The following MMP16 variants were observed in gnomAD, a reference collection of about 807,000 sequenced individuals.
The protein encoded by MMP16 is matrix metallopeptidase 16.
Under a neutral mutation model 67.8 loss-of-function variants are expected in MMP16, and 12 were observed. That is an observed-to-expected ratio of 0.18 (90% confidence interval 0.11 to 0.29). MMP16 has a LOEUF of 0.29. Among genes scored for constraint, MMP16 ranks in the 10% least tolerant of loss-of-function variants. The pLI is 1.00. For missense variants in MMP16, 475 were observed against 765.7 expected, an observed-to-expected ratio of 0.62 and a Z score of 4.48; for synonymous variants, 249 against 255.9, an observed-to-expected ratio of 0.97 and a Z score of 0.26.
At chr8:88,290,532 G>A (rs907581590) in intron 1 of MMP16, among the ~76,000 whole-genome samples, 12 of 151,662 alleles carry the variant, frequency 7.9e-5, no homozygotes, top group Non-Finnish European at 1.8e-4. Flanking sequence ...CAGCCTGGGC[G>A]ACAGAGTGAG....
At chr8:88,100,726 C>G (rs1321322846) in intron 6 of MMP16, among the ~76,000 whole-genome samples, 1 of 151,924 alleles carries the variant, frequency 6.6e-6, no homozygotes. Flanking sequence ...TGGAACCAAC[C>G]CGAATGTCCA....
At chr8:88,219,329 C>G (rs1809641860) in intron 1 of MMP16, among the ~76,000 whole-genome samples, 2 of 151,100 alleles carry the variant, frequency 1.3e-5, no homozygotes, top group Admixed American at 1.3e-4. Context: ...TTATGAACCT[C>G]CTAGGCAGAG....
chr8:88,225,076 A>C (rs912850339), intron 1 of MMP16, among the ~76,000 whole-genome samples: 4 of 152,068 alleles, frequency 2.6e-5, no homozygotes, highest in East Asian at 1.9e-4. Context: ...AATATTTGAA[A>C]TACTTTCATT....
At chr8:88,183,914 T>TA (rs1329859424) in intron 3 of MMP16, among the ~76,000 whole-genome samples, 1 of 151,616 alleles carries the variant, frequency 6.6e-6, no homozygotes, top group African/African-American at 2.4e-5. Context: ...TTTATTTATT[T>TA]TTTTTTATTT....
chr8:88,130,087 AT>A (rs1220548897), intron 4 of MMP16, among the ~76,000 whole-genome samples: 2 of 151,786 alleles, frequency 1.3e-5, no homozygotes, highest in African/African-American at 4.8e-5. Flanking sequence ...TTGAGCTCAT[AT>A]TTGTTTTCTA....
At chr8:88,184,023 G>A (rs1563556181) in intron 3 of MMP16, among the ~76,000 whole-genome samples, 1 of 152,092 alleles carries the variant, frequency 6.6e-6, no homozygotes, top group Non-Finnish European at 1.5e-5. Context: ...TGGGATTACA[G>A]GCGCAAGCCA....
intron 9 of MMP16, among the ~76,000 whole-genome samples, chr8:88,045,245 C>T (rs189202290): frequency 5.2e-4 from 79 of 152,220 alleles, no homozygotes; most frequent in Admixed American, 1.0e-3. Context: ...TAGCAATGCT[C>T]AAAAAACAGT....
chr8:88,216,492 A>G (rs1809596125), intron 1 of MMP16, among the ~76,000 whole-genome samples: 2 of 152,148 alleles, frequency 1.3e-5, no homozygotes, highest in Non-Finnish European at 2.9e-5. Context: ...AAAGTCATAC[A>G]GTTTTCTCAA....
chr8:88,178,814 G>C lies in MMP16; in HGVS notation c.404+7662C>G, dbSNP rs28907583. Among the ~76,000 whole-genome samples, 563 of 151,854 alleles carry C rather than the reference G, an allele frequency of 3.7e-3. 4 individuals carry two copies. The highest frequency in any genetic ancestry group is 0.013 in the African/African-American group (533 of 41,432). ...TATATGTTGCCTTTTCCTTTTTTCT[G>C]TATTTCTGGGTGTTATTGGATATTT... On this transcript the variant is annotated intron_variant, in intron 3 of 9. Transcript: ENST00000286614.
intron 4 of MMP16, among the ~76,000 whole-genome samples, chr8:88,141,800 A>G (rs1049459697): frequency 1.3e-5 from 2 of 152,164 alleles, no homozygotes; most frequent in Admixed American, 6.5e-5. Flanking sequence ...TTTCTGAAAA[A>G]CAACATAACA....
intron 1 of MMP16, among the ~76,000 whole-genome samples, chr8:88,221,233 T>C (rs1012503868): frequency 6.6e-6 from 1 of 152,218 alleles, no homozygotes; most frequent in Middle Eastern, 3.4e-3. Flanking sequence ...GTTTGTTTTC[T>C]TCAGGCCCTA....
At chr8:88,213,338 T>C (rs557654106) in intron 1 of MMP16, among the ~76,000 whole-genome samples, 3 of 152,246 alleles carry the variant, frequency 2.0e-5, no homozygotes, top group Admixed American at 6.5e-5. Flanking sequence ...CGTTTGAGAA[T>C]GAGAAAAAAT....
chr8:88,218,766 C>T (rs1209150753), intron 1 of MMP16, among the ~76,000 whole-genome samples: 1 of 152,016 alleles, frequency 6.6e-6, no homozygotes, highest in East Asian at 1.9e-4. Context: ...TATACACATG[C>T]TCAAGAGAAG....
At chr8:88,323,868 A>T (rs1393714314) in intron 1 of MMP16, among the ~76,000 whole-genome samples, 15 of 152,104 alleles carry the variant, frequency 9.9e-5, no homozygotes, top group African/African-American at 3.6e-4. Flanking sequence ...GACAGTAGAC[A>T]TTAATAATTA....
intron 1 of MMP16, among the ~76,000 whole-genome samples, chr8:88,293,576 GAACA>G (rs1237152957): frequency 1.3e-5 from 2 of 151,858 alleles, no homozygotes; most frequent in Non-Finnish European, 2.9e-5. Context: ...CTTTGAACTT[GAACA>G]AATAAAAAGG....
At chr8:88,267,293 T>C (rs1364710007) in intron 1 of MMP16, among the ~76,000 whole-genome samples, 1 of 152,182 alleles carries the variant, frequency 6.6e-6, no homozygotes, top group Non-Finnish European at 1.5e-5. Flanking sequence ...ATAAGTAACT[T>C]TCCCAAGACA....
At chr8:88,111,017 C>T (rs1183336689) in intron 6 of MMP16, among the ~76,000 whole-genome samples, 2 of 151,552 alleles carry the variant, frequency 1.3e-5, no homozygotes, top group African/African-American at 4.8e-5. Flanking sequence ...TGCAATTCAG[C>T]ATAGAATCAG....
intron 4 of MMP16, among the ~76,000 whole-genome samples, chr8:88,129,702 TATACA>T (rs1807994819): frequency 6.6e-6 from 1 of 151,584 alleles, no homozygotes; most frequent in African/African-American, 2.4e-5. Flanking sequence ...TTCATAAAGA[TATACA>T]ATAGCAAAAC....
At chr8:88,212,722 C>G (rs911106256) in intron 1 of MMP16, among the ~76,000 whole-genome samples, 5 of 152,204 alleles carry the variant, frequency 3.3e-5, no homozygotes, top group Admixed American at 3.3e-4. Flanking sequence ...GTTTTCTACT[C>G]TCTGATTATT....
Sources: gnomAD v4.1 joint callset for allele counts (sites outside exome capture counted in the v4.1 genomes callset) on GRCh38, gnomAD v4.1.1 for gene constraint, MANE v1.5 for transcripts, NCBI Gene and HGNC (gene_info 2026-07-23, HGNC 2026-07-21) for gene names.